The following TAPBPL variants were observed in gnomAD, a reference collection of about 807,000 sequenced individuals.
The protein encoded by TAPBPL is TAP binding protein like.
In TAPBPL, 32 loss-of-function variants were observed where a neutral mutation model predicts 44.8. The observed-to-expected ratio is 0.71, with a 90% CI of 0.54 to 0.96. The LOEUF (loss-of-function observed/expected upper bound fraction) is 0.96. Ranked by LOEUF, TAPBPL falls within the 40% of genes least tolerant of loss-of-function variation. TAPBPL has a pLI of 0.00. For missense variants in TAPBPL, 520 were observed against 586.6 expected (o/e 0.89, Z 1.17); for synonymous variants, 230 against 240.7 (o/e 0.96, Z 0.41).
Position 6,458,659 on chromosome 12 carries a change from C to A in TAPBPL, c.919C>A (p.Arg307=). 2 of 1,613,692 alleles carry A rather than the reference C, an allele frequency of 1.2e-6. No homozygotes were observed. The highest frequency in any genetic ancestry group is 2.2e-5 in the South Asian group (2 of 91,074). ...TCTTTCTCCAGCTTCCCCTAAAGTA[C>A]GACTGAGCTTGGCAAACGAAGCTCT... ...QLNIQASPKV[R]LSLANEALLP... is the part of the protein sequence containing the mutation. Residue 307 remains arginine, a synonymous_variant, in exon 5 of 7, where the codon CGA becomes AGA. Transcript: ENST00000266556.
chr12:6,465,453 T>TATAA (rs1488840906), downstream of TAPBPL: 16 of 131,548 alleles, frequency 1.2e-4, no homozygotes, highest in East Asian at 5.9e-4. Flanking sequence ...TATATATACA[T>TATAA]ATGTGTATAT....
chr12:6,453,032 G>A lies in TAPBPL; in HGVS notation c.65-35G>A. ...GAAGCAAGTGTGGAGTAGCTTTCTG[G>A]GGAAGGCGGTGCTCACCCCAGCCTT... On this transcript the variant is annotated intron_variant, in intron 1 of 6. Coordinates refer to ENST00000266556, the MANE Select transcript of TAPBPL (RefSeq NM_018009.5). The surrounding 1 kb of genome is among the most constrained non-coding windows in gnomAD (Gnocchi z 4.8). 1.3e-6 allele frequency: 2 copies of A among 1,543,124 alleles called. No homozygotes were observed. The highest frequency in any genetic ancestry group is 1.8e-6 in the Non-Finnish European group (2 of 1,141,478).
chr12:6,452,524 A>C (rs1949581038), intron 1 of TAPBPL: 1 of 1,420,554 alleles, frequency 7.0e-7, no homozygotes. Flanking sequence ...AATGCTAAAG[A>C]GGGGCTGCCT....
At chr12:6,462,865 T>A, downstream of TAPBPL, 1 of 1,604,856 alleles carries the variant, frequency 6.2e-7, no homozygotes, top group Non-Finnish European at 8.5e-7. Flanking sequence ...GAAGGGAATG[T>A]GGGAAACAAG....
the TAPBPL span, among the ~76,000 whole-genome samples, chr12:6,471,977 A>T: frequency 6.6e-6 from 1 of 152,390 alleles, no homozygotes; most frequent in African/African-American, 2.4e-5. The surrounding 1 kb of genome is among the most constrained non-coding windows in gnomAD (Gnocchi z 4.0). Flanking sequence ...AGGGAAATAG[A>T]AAACAATAAC....
At position 6,458,675 on chromosome 12, in the gene TAPBPL, A is replaced by G; in HGVS notation, c.935A>G (p.Asn312Ser). The G allele has an allele frequency of 6.2e-7, 1 of 1,613,852 alleles. No homozygotes were observed. The highest frequency in any genetic ancestry group is 1.7e-5 in the Admixed American group (1 of 59,990). ...CCTAAAGTACGACTGAGCTTGGCAAACGAAGCTCTGCTGCCCACCCTCATC... is the reference window on the plus strand; with the variant it reads ...CCTAAAGTACGACTGAGCTTGGCAAGCGAAGCTCTGCTGCCCACCCTCATC... ...ASPKVRLSLA[N>S]EALLPTLICD... is the part of the protein sequence containing the mutation. The change falls in exon 5 of 7, where the codon AAC (asparagine) becomes AGC (serine). Residue 312 changes from asparagine (N) to serine (S), a missense_variant. Transcript: ENST00000266556.
downstream of TAPBPL, chr12:6,470,590 G>C: frequency 6.2e-7 from 1 of 1,610,338 alleles, no homozygotes; most frequent in Non-Finnish European, 8.5e-7. Context: ...GAGACACCCG[G>C]TGAGGGACGC....
At chr12:6,467,512 G>GTTC (rs571932504), downstream of TAPBPL, among the ~76,000 whole-genome samples, 92 of 152,332 alleles carry the variant, frequency 6.0e-4, 1 homozygote, top group South Asian at 0.018. Flanking sequence ...GTGGAACTTT[G>GTTC]AACTTGAGAG....
At chr12:6,463,026 T>C (rs566173751), downstream of TAPBPL, 7 of 1,546,196 alleles carry the variant, frequency 4.5e-6, no homozygotes, top group South Asian at 6.0e-5. The surrounding 1 kb of genome is among the most constrained non-coding windows in gnomAD (Gnocchi z 4.0). Flanking sequence ...TCCGCTCTGT[T>C]CCCAGCCTGC....
At chr12:6,461,519 G>C in intron 6 of TAPBPL, 2 of 932,370 alleles carry the variant, frequency 2.1e-6, no homozygotes, top group Non-Finnish European at 2.6e-6. Context: ...AAAGGCCCTT[G>C]TGTCTGCTGC....
At chr12:6,465,344 A>G, downstream of TAPBPL, 1 of 328,170 alleles carries the variant, frequency 3.0e-6, no homozygotes, top group Non-Finnish European at 5.8e-6. Flanking sequence ...CTGATTTAAA[A>G]GAAAAAGAAA....
chr12:6,466,259 C>A, downstream of TAPBPL: 1 of 1,614,208 alleles, frequency 6.2e-7, no homozygotes, highest in Non-Finnish European at 8.5e-7. Context: ...CTGTAGTCGT[C>A]TGTTACTGGT....
At chr12:6,456,686 C>A (rs1478869236) in intron 3 of TAPBPL, among the ~76,000 whole-genome samples, 1 of 151,786 alleles carries the variant, frequency 6.6e-6, no homozygotes, top group Non-Finnish European at 1.5e-5. Context: ...CGGAGTTTCA[C>A]TCGTCGCCCA....
At chr12:6,462,948 C>T (rs754547022), downstream of TAPBPL, 295 of 1,554,500 alleles carry the variant, frequency 1.9e-4, no homozygotes, top group Non-Finnish European at 2.5e-4. Context: ...CAGACCCTGC[C>T]CAGCATGGCC....
At chr12:6,455,345 T>C (rs1469126384) in intron 3 of TAPBPL, among the ~76,000 whole-genome samples, 1 of 152,226 alleles carries the variant, frequency 6.6e-6, no homozygotes, top group Admixed American at 6.5e-5. Flanking sequence ...TAATCCTTCA[T>C]AGTTACAAAG....
chr12:6,470,735 G>C, downstream of TAPBPL: 1 of 654,034 alleles, frequency 1.5e-6, no homozygotes, highest in South Asian at 1.8e-5. Flanking sequence ...CCGGATAACG[G>C]TGACAACCCC....
At chr12:6,451,884 G>C, upstream of TAPBPL, 1 of 342,470 alleles carries the variant, frequency 2.9e-6, no homozygotes. Flanking sequence ...TCCTGTGTCT[G>C]ACTTCAGATC....
downstream of TAPBPL, among the ~76,000 whole-genome samples, chr12:6,470,160 G>C (rs1254988261): frequency 6.6e-6 from 1 of 152,168 alleles, no homozygotes; most frequent in African/African-American, 2.4e-5. Context: ...TAGTGATTTA[G>C]CCAGATGACA....
chr12:6,462,718 TG>T, downstream of TAPBPL: 1 of 1,121,978 alleles, frequency 8.9e-7, no homozygotes, highest in Non-Finnish European at 1.3e-6. Context: ...TCGAGGACAG[TG>T]GTGGTTCTTC....
Sources: allele counts gnomAD v4.1 joint callset (sites outside exome capture counted in the v4.1 genomes callset), GRCh38; gene constraint gnomAD v4.1.1; non-coding constraint Gnocchi (gnomAD v3.1); transcripts MANE v1.5; gene names NCBI Gene and HGNC (gene_info 2026-07-23, HGNC 2026-07-21).